Variants in MEGF6 observed in about 807,000 individuals in gnomAD.
MEGF6 encodes the protein multiple EGF like domains 6, also known as multiple epidermal growth factor-like domains protein 6.
In MEGF6, 184 loss-of-function variants were observed where a neutral mutation model predicts 207.1. The observed-to-expected ratio is 0.89, with a 90% CI of 0.79 to 1.00. The LOEUF (loss-of-function observed/expected upper bound fraction) is 1.00. Among genes scored for constraint, MEGF6 ranks in the 50% least tolerant of loss-of-function variants. The pLI is 0.00. For synonymous variants in MEGF6, 1,038 were observed against 910.0 expected, an observed-to-expected ratio of 1.14 and a Z score of -2.53; for missense variants, 2,282 against 2,202.9, an observed-to-expected ratio of 1.04 and a Z score of -0.72.
At chr1:3,598,776 G>A (rs1343167714) in intron 2 of MEGF6, among the ~76,000 whole-genome samples, 2 of 149,588 alleles carry the variant, frequency 1.3e-5, no homozygotes, top group African/African-American at 4.9e-5. Context: ...TCACAGTGGA[G>A]GCCACGGCTC....
intron 34 of MEGF6, chr1:3,493,088 C>T (rs981050985): frequency 1.0e-5 from 4 of 382,306 alleles, no homozygotes; most frequent in African/African-American, 4.0e-5. Flanking sequence ...GATGCCCCCT[C>T]AGGGCACAAC....
chr1:3,524,295 G>C (rs1272061329), intron 4 of MEGF6, 49 bp from the exon 5 acceptor site: 7 of 1,584,210 alleles, frequency 4.4e-6, no homozygotes, highest in Non-Finnish European at 6.0e-6. Flanking sequence ...GTGCCCTCCT[G>C]CTTTGCCAAC....
Position 3,490,598 on chromosome 1 carries a change from AAG to A in MEGF6, c.4565-11_4565-10del. ...GGCGGGCAGTGTGCCCGCTGGGGAA[AAG>A]GAGAAAAGAGGGCCAGTCCAGGGTG... is the stretch of plus-strand genomic sequence containing the variant. On this transcript the variant is annotated splice_polypyrimidine_tract_variant and intron_variant, in intron 36 of 36. Transcript: ENST00000356575. 6.2e-7 allele frequency: 1 copy of A among 1,612,722 alleles called. No individual in the cohort carries two copies. The highest frequency in any genetic ancestry group is 8.5e-7 in the Non-Finnish European group (1 of 1,179,692).
At chr1:3,508,794 T>A in intron 12 of MEGF6, 105 bp from the exon 13 acceptor site, 1 of 1,425,328 alleles carries the variant, frequency 7.0e-7, no homozygotes. Flanking sequence ...ATAAGGGGCA[T>A]CCTCGGCCCA....
intron 1 of MEGF6, among the ~76,000 whole-genome samples, chr1:3,609,455 C>T (rs1359004964): frequency 3.3e-5 from 5 of 152,226 alleles, no homozygotes; most frequent in Admixed American, 1.3e-4. Flanking sequence ...CTCAGACTCT[C>T]GCTGGTGGAC....
chr1:3,515,570 C>G (rs1384180822), intron 5 of MEGF6, 43 bp from the exon 6 acceptor site: 13 of 1,593,876 alleles, frequency 8.2e-6, no homozygotes, highest in Admixed American at 1.7e-5. Context: ...AAGAGGATGC[C>G]TGGCCGACAG....
At position 3,498,793 on chromosome 1, in the gene MEGF6, C is replaced by G; in HGVS notation, c.3128G>C (p.Arg1043Pro). 4 of 1,555,510 alleles carry G rather than the reference C, an allele frequency of 2.6e-6. No homozygotes were observed. Among genetic ancestry groups the G allele is most frequent in the South Asian group, 2.4e-5 (2 of 84,514 alleles). The stretch of plus-strand genomic sequence containing the variant: ...TCCGTTCTGGCAGAGGCAGGAATGC[C>G]GACAGTTGTCGCCGTACAGGCCGGC... The part of the protein sequence containing the change: ...CPAGLYGDNC[R>P]HSCLCQNGGT... Residue 1043 changes from arginine (R) to proline (P), a missense_variant, in exon 25 of 37, where the codon CGG becomes CCG. Physicochemically the swap from Arg to Pro is moderately radical, Grantham distance 103. Coordinates refer to ENST00000356575, the MANE Select transcript of MEGF6 (RefSeq NM_001409.4).
At chr1:3,623,155 C>G in the MEGF6 span, 1 of 146,590 alleles carries the variant, frequency 6.8e-6, no homozygotes, top group Non-Finnish European at 1.5e-5. Flanking sequence ...TTCTCCCCCC[C>G]ATTCTCTCTC....
chr1:3,579,947 A>G lies in MEGF6; in HGVS notation c.377-18T>C. 1 of 1,492,460 alleles carries G rather than the reference A, an allele frequency of 6.7e-7. No individual in the cohort carries two copies. 92.5% of individuals were successfully genotyped at this position (1,492,460 alleles called of 1,614,324 possible). ...GCATTCAGCTGCGGAGGGAAGGAGA[A>G]AATCGGTGAGAGGGGCAAGGAGGGG... On this transcript the variant is annotated intron_variant, in intron 3 of 36. Coordinates refer to ENST00000356575, the MANE Select transcript of MEGF6 (RefSeq NM_001409.4).
At chr1:3,621,617 C>A in the MEGF6 span, among the ~76,000 whole-genome samples, 4 of 152,342 alleles carry the variant, frequency 2.6e-5, no homozygotes, top group South Asian at 6.2e-4. Flanking sequence ...TCTCTTGCCT[C>A]AGCACCGGGG....
chr1:3,523,077 G>GGC (rs200683435), intron 5 of MEGF6, among the ~76,000 whole-genome samples: 26 of 146,916 alleles, frequency 1.8e-4, no homozygotes, highest in East Asian at 5.8e-4. Context: ...TGTGTGCCGG[G>GGC]GGGGGGGCCC....
intron 4 of MEGF6, among the ~76,000 whole-genome samples, chr1:3,568,324 G>C (rs1643405491): frequency 1.4e-5 from 2 of 140,372 alleles, no homozygotes. Context: ...GAGGGCTCTG[G>C]CCTCCAGGAA....
At chr1:3,569,674 A>G (rs1215782766) in intron 4 of MEGF6, among the ~76,000 whole-genome samples, 1 of 152,212 alleles carries the variant, frequency 6.6e-6, no homozygotes, top group Admixed American at 6.5e-5. Flanking sequence ...TCCTCTGAAC[A>G]GTGTTGAAGT....
intron 4 of MEGF6, among the ~76,000 whole-genome samples, chr1:3,576,223 G>A (rs368665531): frequency 4.6e-5 from 7 of 152,232 alleles, no homozygotes; most frequent in East Asian, 1.9e-4. Flanking sequence ...GTGCTCCCAC[G>A]GCTCCCGCTG....
chr1:3,540,825 C>G (rs1292057900), intron 4 of MEGF6, among the ~76,000 whole-genome samples: 1 of 152,234 alleles, frequency 6.6e-6, no homozygotes, highest in East Asian at 1.9e-4. Flanking sequence ...GGCCCCACCT[C>G]TTCACACCAT....
rs765195747 is a variant in MEGF6 at position 3,496,992 on chromosome 1, C to A, written c.3609G>T (p.Gln1203His). ...CAAGYHGPSC[Q>H]QRCPPGRYGP... Reference sequence around the variant, plus strand: ...GTGGGCACGGGCAGCACTCACGTTGCTGGCAGCTGGGGCCGTGGTAGCCAG... The same window carrying A: ...GTGGGCACGGGCAGCACTCACGTTGATGGCAGCTGGGGCCGTGGTAGCCAG... Residue 1203 changes from glutamine to histidine, a missense_variant, in exon 28 of 37, where the codon CAG becomes CAT. Transcript: ENST00000356575. 4 of 1,549,330 alleles carry A rather than the reference C, an allele frequency of 2.6e-6. No homozygotes were observed. The highest frequency in any genetic ancestry group is 3.9e-5 in the Admixed American group (2 of 51,168).
At chr1:3,518,478 C>T (rs781573183) in intron 5 of MEGF6, among the ~76,000 whole-genome samples, 11 of 152,034 alleles carry the variant, frequency 7.2e-5, no homozygotes, top group Non-Finnish European at 1.5e-4. Flanking sequence ...GGTCTCTGCT[C>T]GAGGCGCAGC....
chr1:3,507,605 C>A (rs2101013320), intron 14 of MEGF6, among the ~76,000 whole-genome samples, 190 bp downstream of exon 14: 1 of 152,344 alleles, frequency 6.6e-6, no homozygotes, highest in African/African-American at 2.4e-5. Context: ...GGGCCTCATT[C>A]TCTCTCAAGC....
At position 3,495,959 on chromosome 1, in the gene MEGF6, C is replaced by T; in HGVS notation, c.3802G>A (p.Ala1268Thr). ...GTGCCGGTCACAGGGTCGCAGGCCG[C>T]CCCCTGCCCACACCCACACACGTGG... The part of the protein sequence containing the change: ...CTHVCGCGQG[A>T]ACDPVTGTCL... The change falls in exon 30 of 37, where the codon GCG (alanine) becomes ACG (threonine). Residue 1268 changes from alanine (A) to threonine (T), a missense_variant. Ala to Thr is a moderately conservative substitution (Grantham distance 58). Coordinates refer to ENST00000356575, the MANE Select transcript of MEGF6 (RefSeq NM_001409.4). 6.3e-7 allele frequency: 1 copy of T among 1,585,050 alleles called. No homozygotes were observed. Among genetic ancestry groups the T allele is most frequent in the Non-Finnish European group, 8.5e-7 (1 of 1,173,198 alleles).
Sources: allele counts gnomAD v4.1 joint callset (sites outside exome capture counted in the v4.1 genomes callset), GRCh38; gene constraint gnomAD v4.1.1; transcripts MANE v1.5; gene names NCBI Gene and HGNC (gene_info 2026-07-23, HGNC 2026-07-21).